The following MAP4K5 variants were observed in gnomAD, a reference collection of about 807,000 sequenced individuals.
MAP4K5 encodes mitogen-activated protein kinase kinase kinase kinase 5.
A neutral mutation model predicts 135.6 loss-of-function variants in MAP4K5; 82 were observed. The ratio of observed to expected loss-of-function variants is 0.60; its 90% CI spans 0.51 to 0.73. The LOEUF (loss-of-function observed/expected upper bound fraction) is 0.73. Among genes scored for constraint, MAP4K5 ranks in the 30% least tolerant of loss-of-function variants. The pLI is 0.00. For missense variants in MAP4K5, 907 were observed against 1,010.9 expected (o/e 0.90, Z 1.39); for synonymous variants, 347 against 335.0 (o/e 1.04, Z -0.39).
chr14:50,468,481 A>G, intron 10 of MAP4K5, 170 bp downstream of exon 10: 1 of 598,008 alleles, frequency 1.7e-6, no homozygotes. Flanking sequence ...AATTGAGGTA[A>G]CTACCTTCGG....
intron 3 of MAP4K5, among the ~76,000 whole-genome samples, chr14:50,499,996 T>C (rs1340781772): frequency 1.3e-5 from 2 of 152,176 alleles, no homozygotes; most frequent in Non-Finnish European, 2.9e-5. Context: ...AAAATGTCTA[T>C]AGAGTTTTTT....
In MAP4K5 at chr14:50,502,307, C is replaced by T. The variant is rs910354967; in HGVS notation, c.166+2493G>A. Among the ~76,000 whole-genome samples, 28 of 152,202 alleles carry T rather than the reference C, an allele frequency of 1.8e-4. 1 individual carries two copies. Among genetic ancestry groups the T allele is most frequent in the African/African-American group, 6.3e-4 (26 of 41,540 alleles). ...GGCCAAAATAACATTCTATGTATGT[C>T]CGTATAGTTGCAAAAACCACGAAAA... On this transcript the variant is annotated intron_variant, in intron 3 of 32. Transcript: ENST00000682126.
chr14:50,456,420 G>T, intron 14 of MAP4K5, 96 bp downstream of exon 14: 2 of 902,436 alleles, frequency 2.2e-6, no homozygotes, highest in Non-Finnish European at 3.6e-6. Flanking sequence ...GAAGTATGTA[G>T]CCTTAGTCTG....
At chr14:50,555,728 A>G (rs1461375568) in intron 1 of MAP4K5, among the ~76,000 whole-genome samples, 1 of 152,224 alleles carries the variant, frequency 6.6e-6, no homozygotes, top group Non-Finnish European at 1.5e-5. Context: ...AATATAGTCC[A>G]TGATACCACT....
intron 1 of MAP4K5, chr14:50,560,327 C>T: frequency 6.2e-7 from 1 of 1,612,590 alleles, no homozygotes; most frequent in Non-Finnish European, 8.5e-7. Flanking sequence ...ACTTCTGCAG[C>T]CTGCACGGGG....
At chr14:50,456,656 A>G in intron 13 of MAP4K5, 62 bp from the exon 14 acceptor site, 1 of 1,005,508 alleles carries the variant, frequency 9.9e-7, no homozygotes, top group South Asian at 1.7e-5. Context: ...TAAAAGGTCA[A>G]ACTTTCTTAT....
chr14:50,466,518 T>C (rs1195146920), intron 11 of MAP4K5, 65 bp downstream of exon 11: 4 of 779,894 alleles, frequency 5.1e-6, no homozygotes, highest in Non-Finnish European at 6.4e-6. Context: ...CTGCAAAATA[T>C]GGGAACTGAA....
intron 2 of MAP4K5, among the ~76,000 whole-genome samples, chr14:50,506,349 TTTTG>T (rs147764197): frequency 0.014 from 2,118 of 152,214 alleles, 18 homozygotes; most frequent in Middle Eastern, 0.041. Context: ...ATAATTTGTC[TTTTG>T]TTTGTTTGGT....
At chr14:50,502,004 A>G (rs547812341) in intron 3 of MAP4K5, among the ~76,000 whole-genome samples, 63 of 152,326 alleles carry the variant, frequency 4.1e-4, no homozygotes, top group African/African-American at 1.5e-3. Flanking sequence ...TTATGGGTCA[A>G]CTGACACACA....
At chr14:50,553,232 C>T (rs1021958795) in intron 1 of MAP4K5, among the ~76,000 whole-genome samples, 11 of 149,806 alleles carry the variant, frequency 7.3e-5, no homozygotes, top group Middle Eastern at 6.9e-3. Context: ...GATCGTGCCA[C>T]TGCACTCCAG....
chr14:50,463,845 C>T (rs917867288), intron 12 of MAP4K5, among the ~76,000 whole-genome samples: 6 of 126,392 alleles, frequency 4.7e-5, no homozygotes, highest in African/African-American at 1.2e-4. Context: ...GAGCTGAGAT[C>T]ATGCCACTGC....
At chr14:50,558,811 A>G (rs1373844107) in intron 1 of MAP4K5, among the ~76,000 whole-genome samples, 1 of 152,216 alleles carries the variant, frequency 6.6e-6, no homozygotes, top group African/African-American at 2.4e-5. Context: ...TATAAGGATG[A>G]GATAATGTCT....
chr14:50,503,942 G>A (rs1485169996), intron 3 of MAP4K5, among the ~76,000 whole-genome samples: 1 of 151,736 alleles, frequency 6.6e-6, no homozygotes, highest in Non-Finnish European at 1.5e-5. Flanking sequence ...AACTTATTAG[G>A]TGGCACTTAA....
intron 16 of MAP4K5, among the ~76,000 whole-genome samples, chr14:50,447,180 T>C (rs2036373317): frequency 6.6e-6 from 1 of 152,182 alleles, no homozygotes; most frequent in Middle Eastern, 3.2e-3. Flanking sequence ...ATCATGTGAC[T>C]CACCTTTCAG....
chr14:50,555,223 G>A (rs2038750975), intron 1 of MAP4K5, among the ~76,000 whole-genome samples: 1 of 152,144 alleles, frequency 6.6e-6, no homozygotes, highest in Non-Finnish European at 1.5e-5. Context: ...AGCCCCAAGT[G>A]AAAGATGGAA....
chr14:50,484,141 T>G (rs2037314196), intron 5 of MAP4K5, among the ~76,000 whole-genome samples: 1 of 147,886 alleles, frequency 6.8e-6, no homozygotes, highest in Non-Finnish European at 1.5e-5. Flanking sequence ...ATAGCAATTC[T>G]TTATAAAATC....
At chr14:50,441,186 A>C (rs1273544650) in intron 21 of MAP4K5, among the ~76,000 whole-genome samples, 1 of 152,188 alleles carries the variant, frequency 6.6e-6, no homozygotes, top group African/African-American at 2.4e-5. Context: ...TGGATGCTAA[A>C]CTGAGTGAGT....
At chr14:50,514,845 A>G (rs952989659) in intron 2 of MAP4K5, among the ~76,000 whole-genome samples, 3 of 40,178 alleles carry the variant, frequency 7.5e-5, no homozygotes, top group Admixed American at 3.9e-4. Context: ...TGCTCAGGAC[A>G]GAATGTATCA....
At chr14:50,433,509 G>T (rs574254501) in intron 28 of MAP4K5, among the ~76,000 whole-genome samples, 1 of 152,276 alleles carries the variant, frequency 6.6e-6, no homozygotes, top group South Asian at 2.1e-4. Flanking sequence ...ATTTACCAGG[G>T]TATCACTGGT....
Sources: allele counts gnomAD v4.1 joint callset (sites outside exome capture counted in the v4.1 genomes callset), GRCh38; gene constraint gnomAD v4.1.1; transcripts MANE v1.5; gene names NCBI Gene and HGNC (gene_info 2026-07-23, HGNC 2026-07-21).